The following SCEL variants were observed in gnomAD, a reference collection of about 807,000 sequenced individuals.
The protein encoded by SCEL is sciellin.
Under a neutral mutation model 117.6 loss-of-function variants are expected in SCEL, and 113 were observed. The ratio of observed to expected loss-of-function variants is 0.96; its 90% CI spans 0.83 to 1.12. The LOEUF (loss-of-function observed/expected upper bound fraction) is 1.12, where lower values mean the gene tolerates loss of function less well. Ranked by LOEUF, SCEL falls within the 50% of genes most tolerant of loss-of-function variation. The pLI is 0.00. For missense variants in SCEL, 785 were observed against 810.8 expected (o/e 0.97, Z 0.39); for synonymous variants, 270 against 256.2 (o/e 1.05, Z -0.51).
chr13:77,541,845 G>A (rs919475542), intron 1 of SCEL, among the ~76,000 whole-genome samples: 2 of 152,170 alleles, frequency 1.3e-5, no homozygotes, highest in Non-Finnish European at 2.9e-5. Flanking sequence ...ACATGACAGA[G>A]CTTTTGTGAA....
At chr13:77,580,475 C>G (rs1594010736) in intron 9 of SCEL, among the ~76,000 whole-genome samples, 1 of 152,180 alleles carries the variant, frequency 6.6e-6, no homozygotes, top group Middle Eastern at 3.2e-3. Context: ...AGAGAAATAA[C>G]AGTTCTGGAA....
At chr13:77,569,697 G>T (rs375338562) in intron 8 of SCEL, among the ~76,000 whole-genome samples, 25 of 152,302 alleles carry the variant, frequency 1.6e-4, no homozygotes, top group East Asian at 1.2e-3. Context: ...ACTTGAGGTA[G>T]CATGTTTCAT....
In SCEL at chr13:77,640,666, AT is replaced by A; in HGVS notation, c.1839-7del. ...GGCAAATTTATTTTTAATTGCTTAC[AT>A]TTCTATAGGTCTGTCATTGAAAGAG... On this transcript the variant is annotated splice_polypyrimidine_tract_variant and intron_variant, in intron 30 of 32. Coordinates refer to ENST00000349847, the MANE Select transcript of SCEL (RefSeq NM_144777.3). The A allele has an allele frequency of 6.8e-7, 1 of 1,479,176 alleles. No individual in the cohort carries two copies. Among genetic ancestry groups the A allele is most frequent in the Non-Finnish European group, 9.3e-7 (1 of 1,076,688 alleles). The allele number at this position is 1,479,176 out of a possible 1,614,324, so 91.6% of individuals were successfully genotyped here. A position where few individuals can be genotyped will look rare whatever the true frequency, so the allele number is the denominator to read the frequency against.
At chr13:77,587,141 G>T (rs1168082402) in intron 9 of SCEL, among the ~76,000 whole-genome samples, 4 of 151,856 alleles carry the variant, frequency 2.6e-5, no homozygotes, top group Non-Finnish European at 4.4e-5. Flanking sequence ...CAATGATCTT[G>T]ATTGTTATTT....
At chr13:77,634,266 A>G (rs982640755) in intron 28 of SCEL, 113 bp from the exon 29 acceptor site, 35 of 896,244 alleles carry the variant, frequency 3.9e-5, no homozygotes, top group Non-Finnish European at 6.1e-5. Flanking sequence ...TCAAAGTTAT[A>G]GTTCAGAAGG....
intron 28 of SCEL, among the ~76,000 whole-genome samples, chr13:77,629,721 C>A (rs1219071743): frequency 6.6e-6 from 1 of 151,954 alleles, no homozygotes; most frequent in Non-Finnish European, 1.5e-5. Flanking sequence ...GAATGAAGAC[C>A]CAAAGATACA....
Position 77,598,359 on chromosome 13 carries a change from A to G in SCEL, c.797+770A>G, listed in dbSNP as rs151246233. Among the ~76,000 whole-genome samples the G allele has an allele frequency of 4.4e-3, 668 of 152,344 alleles. 3 individuals carry two copies. The highest frequency in any genetic ancestry group is 0.015 in the African/African-American group (626 of 41,576). ...AAACAGGGAAATGCCAAATGAATTC[A>G]TTGATCAGAGGATCCCGAGATGTGT... On this transcript the variant is annotated intron_variant, in intron 13 of 32. Coordinates refer to ENST00000349847, the MANE Select transcript of SCEL (RefSeq NM_144777.3).
intron 25 of SCEL, 24 bp downstream of exon 25, chr13:77,617,682 T>G (rs779589076): frequency 9.1e-6 from 14 of 1,541,818 alleles, no homozygotes; most frequent in Non-Finnish European, 1.2e-5. Context: ...GTTGTTTTAA[T>G]GTACTTGGGT....
rs2154406969 is a variant in SCEL at position 77,637,580 on chromosome 13, A to G, written c.1838+386A>G. 2.0e-5 allele frequency among the ~76,000 whole-genome samples: 3 copies of G among 151,920 alleles called. 1 individual carries two copies. The highest frequency in any genetic ancestry group is 6.8e-3 in the Middle Eastern group (2 of 294). On this transcript the variant is annotated intron_variant, in intron 30 of 32. Transcript: ENST00000349847. ...TGGCTGTTGCTGCTGTCTGATTTTG[A>G]TGCATATTATCAAAAGACCTTTCTG...
At chr13:77,539,819 C>T (rs1310930943) in intron 1 of SCEL, among the ~76,000 whole-genome samples, 2 of 152,160 alleles carry the variant, frequency 1.3e-5, no homozygotes, top group East Asian at 3.8e-4. Flanking sequence ...CAGGCGTGAG[C>T]CACTGCGCCT....
intron 19 of SCEL, among the ~76,000 whole-genome samples, chr13:77,604,640 A>G (rs193288958): frequency 1.3e-5 from 2 of 152,368 alleles, no homozygotes; most frequent in East Asian, 3.8e-4. Context: ...TTGAGAAATT[A>G]AATGGGAATT....
Position 77,638,306 on chromosome 13 carries a change from TCA to T in SCEL, c.1838+1116_1838+1117del, listed in dbSNP as rs1434652472. ...CTTTGCTGAGTGTCTTGCCTGTAAGTCACACCTCTTTGAGTAGTAAAGTCATT... is the reference window on the plus strand; with the variant it reads ...CTTTGCTGAGTGTCTTGCCTGTAAGTCACCTCTTTGAGTAGTAAAGTCATT... On this transcript the variant is annotated intron_variant, in intron 30 of 32. Transcript: ENST00000349847. Among the ~76,000 whole-genome samples, 4 of 152,312 alleles carry T rather than the reference TCA, an allele frequency of 2.6e-5. No homozygotes were observed. The East Asian group carries it at 7.7e-4, about 29-fold the overall frequency.
In SCEL at chr13:77,601,596, G is replaced by T. The variant is rs1256506469; in HGVS notation, c.918-469G>T. On this transcript the variant is annotated intron_variant, in intron 15 of 32. Transcript: ENST00000349847. ...ATAACAGTTATTTTGACTTTACCAA[G>T]GTGACTTCAGACCCTTTAAACACAT... Among the ~76,000 whole-genome samples, 4 of 152,100 alleles carry T rather than the reference G, an allele frequency of 2.6e-5. No homozygotes were observed. In the South Asian group the frequency reaches 8.3e-4, roughly 32 times the overall value.
At chr13:77,612,856 G>A in intron 22 of SCEL, 35 bp from the exon 23 acceptor site, 2 of 1,246,130 alleles carry the variant, frequency 1.6e-6, no homozygotes, top group East Asian at 2.5e-5. Flanking sequence ...TTGGATTTTA[G>A]TTGACTTAGC....
rs768071129 is a variant in SCEL at position 77,637,144 on chromosome 13, GGA to G, written c.1791_1792del (p.Asn598TyrfsTer14). On this transcript the variant is annotated frameshift_variant, in exon 30 of 33. Transcript: ENST00000349847. LOFTEE classifies it high-confidence loss of function. ...NSKSPKDGYQENISGKYIQTV... is the reference protein window; with the variant it reads ...NSKSPKDGYQXNISGKYIQTV... ...GTAAATCACCCAAGGATGGATATCA[GGA>G]GAATATCTCTGGAAAATACATACAA... 1.3e-6 allele frequency: 2 copies of G among 1,554,074 alleles called. No homozygotes were observed. Among genetic ancestry groups the G allele is most frequent in the African/African-American group, 1.4e-5 (1 of 71,718 alleles).
Position 77,602,115 on chromosome 13 carries a change from A to G in SCEL, c.968A>G (p.Asn323Ser), listed in dbSNP as rs777382772. 2.9e-5 allele frequency: 47 copies of G among 1,611,336 alleles called. No homozygotes were observed. In the South Asian group the frequency reaches 5.0e-4, roughly 17 times the overall value. The change falls in exon 16 of 33, where the codon AAT becomes AGT. Residue 323 changes from asparagine (N) to serine (S), a missense_variant. Transcript: ENST00000349847. ...AAAGTTAATCAAAGGACTGACAAAAATGAGAAAGGGTAAGTCAATCTCCTA... is the reference window on the plus strand; with the variant it reads ...AAAGTTAATCAAAGGACTGACAAAAGTGAGAAAGGGTAAGTCAATCTCCTA... ...PIKVNQRTDK[N>S]EKGRQNLESV...
intron 1 of SCEL, among the ~76,000 whole-genome samples, chr13:77,549,214 C>G (rs1010712): frequency 0.19 from 29,002 of 152,034 alleles, 2,840 homozygotes; most frequent in Non-Finnish European, 0.21. Flanking sequence ...TGCATCCTCA[C>G]CAGCATCTGT....
At chr13:77,548,153 A>G (rs1044390498) in intron 1 of SCEL, among the ~76,000 whole-genome samples, 2 of 152,264 alleles carry the variant, frequency 1.3e-5, no homozygotes, top group East Asian at 3.8e-4. Context: ...AGGAATTTAT[A>G]ATTTACAAAG....
chr13:77,601,114 CT>C lies in SCEL; in HGVS notation c.918-936del, dbSNP rs11378449. On this transcript the variant is annotated intron_variant, in intron 15 of 32. Transcript: ENST00000349847. Reference sequence around the variant, plus strand: ...AATAGATGAAGTTGAAAAACAGTCTCTTTTTTTTTTTTTTTGTACATGGCTA... The same window carrying C: ...AATAGATGAAGTTGAAAAACAGTCTCTTTTTTTTTTTTTTGTACATGGCTA... Among the ~76,000 whole-genome samples the C allele has an allele frequency of 7.9e-3, 1,109 of 141,018 alleles. 6 individuals are homozygous for C. Among genetic ancestry groups the C allele is most frequent in the African/African-American group, 0.016 (610 of 38,662 alleles). The allele number at this position is 141,018 out of a possible 152,430, so 92.5% of individuals were successfully genotyped here.
Sources: gnomAD v4.1 joint callset for allele counts (sites outside exome capture counted in the v4.1 genomes callset) on GRCh38, gnomAD v4.1.1 for gene constraint, MANE v1.5 for transcripts, NCBI Gene and HGNC (gene_info 2026-07-23, HGNC 2026-07-21) for gene names.